JARID2: variants seen among roughly 807,000 people sequenced by gnomAD.
JARID2 encodes jumonji and AT-rich interaction domain containing 2, also known as protein Jumonji.
JARID2 carries 21 observed loss-of-function variants against 125.6 expected under a neutral mutation model. That is an observed-to-expected ratio of 0.17 (90% CI 0.12 to 0.24). The LOEUF (loss-of-function observed/expected upper bound fraction) is 0.24, where lower values mean the gene tolerates loss of function less well. Ranked by LOEUF, JARID2 falls within the 10% of genes least tolerant of loss-of-function variation. The probability of loss-of-function intolerance (pLI) is 1.00; values close to 1 mark genes in which losing one functional copy is unlikely to be tolerated. For synonymous variants in JARID2, 736 were observed against 661.6 expected, an observed-to-expected ratio of 1.11 and a Z score of -1.73; for missense variants, 1,303 against 1,639.6, an observed-to-expected ratio of 0.79 and a Z score of 3.55.
intron 3 of JARID2, among the ~76,000 whole-genome samples, chr6:15,425,781 C>G (rs543364119): frequency 2.0e-5 from 3 of 152,138 alleles, no homozygotes; most frequent in African/African-American, 7.2e-5. Context: ...GGACTAAGAG[C>G]GCAAGTGTGC....
At chr6:15,279,947 A>G (rs964289860) in intron 1 of JARID2, among the ~76,000 whole-genome samples, 8 of 152,154 alleles carry the variant, frequency 5.3e-5, no homozygotes, top group African/African-American at 1.9e-4. Flanking sequence ...ATTTGATTAA[A>G]TCCCCTTCCC....
chr6:15,258,780 T>C (rs746519290), intron 1 of JARID2, among the ~76,000 whole-genome samples: 28 of 152,126 alleles, frequency 1.8e-4, no homozygotes, highest in Non-Finnish European at 3.8e-4. Context: ...AGATCCTGTC[T>C]CAAAACAAAA....
chr6:15,438,630 T>C (rs1336130872), intron 3 of JARID2, among the ~76,000 whole-genome samples: 1 of 152,216 alleles, frequency 6.6e-6, no homozygotes, highest in African/African-American at 2.4e-5. Context: ...AATGTTATCC[T>C]TTCTCTTCAA....
At chr6:15,309,769 A>T (rs1210188380) in intron 1 of JARID2, among the ~76,000 whole-genome samples, 3 of 152,152 alleles carry the variant, frequency 2.0e-5, no homozygotes, top group Non-Finnish European at 2.9e-5. Context: ...GAGGGATGAC[A>T]GAAGGCTTGA....
chr6:15,262,112 A>C (rs141362774), intron 1 of JARID2, among the ~76,000 whole-genome samples: 110 of 150,768 alleles, frequency 7.3e-4, no homozygotes, highest in African/African-American at 2.6e-3. Context: ...CTGAGTAGGC[A>C]CTGACATGGA....
chr6:15,275,539 C>CCA (rs1554118162), intron 1 of JARID2, among the ~76,000 whole-genome samples: 1 of 99,762 alleles, frequency 1.0e-5, no homozygotes, highest in Non-Finnish European at 2.1e-5. Flanking sequence ...CCCCGCCCCC[C>CCA]CCCCCGTCTT....
chr6:15,467,637 T>C (rs570183091), intron 4 of JARID2, among the ~76,000 whole-genome samples: 1 of 151,820 alleles, frequency 6.6e-6, no homozygotes, highest in African/African-American at 2.4e-5. Flanking sequence ...AGTCCAGAAA[T>C]TTCAGACCAA....
chr6:15,415,736 C>T (rs1018835475), intron 3 of JARID2, among the ~76,000 whole-genome samples: 14 of 143,420 alleles, frequency 9.8e-5, no homozygotes, highest in Admixed American at 6.2e-4. Context: ...GCTGGCCAGG[C>T]GGAGGGGCTC....
intron 1 of JARID2, among the ~76,000 whole-genome samples, chr6:15,263,110 GTGTGTGT>G (rs2127330025): frequency 7.3e-6 from 1 of 137,760 alleles, no homozygotes; most frequent in African/African-American, 2.7e-5. Flanking sequence ...GTGTGTGTGT[GTGTGTGT>G]GGTAGGGGTC....
At chr6:15,501,528 G>A (rs201683686) in intron 8 of JARID2, 119 bp downstream of exon 8, 50 of 784,822 alleles carry the variant, frequency 6.4e-5, no homozygotes, top group Non-Finnish European at 8.7e-5. Flanking sequence ...GTGATGAGGG[G>A]GCGGGCCACT....
rs143923450 is a variant in JARID2, at chr6:15,513,352, G to A, written c.3380G>A (p.Arg1127Gln). Residue 1127 changes from arginine (R) to glutamine (Q), a missense_variant, in exon 16 of 18, where the codon CGA (arginine) becomes CAA (glutamine). Physicochemically the swap from Arg to Gln is conservative, Grantham distance 43. This residue lies in a region of JARID2 where 190 missense variants were observed against 341.4 expected (regional missense o/e 0.56). Transcript: ENST00000341776. ...STVADGKKKP[R>Q]KWLQLETSER... Reference sequence around the variant, plus strand: ...GTGGCGGACGGGAAGAAAAAGCCTCGAAAGTGGCTGCAGTTGGAGACGTCA... The same window carrying A: ...GTGGCGGACGGGAAGAAAAAGCCTCAAAAGTGGCTGCAGTTGGAGACGTCA... 8.2e-5 allele frequency: 132 copies of A among 1,613,304 alleles called. No individual in the cohort carries two copies. The highest frequency in any genetic ancestry group is 1.0e-4 in the Non-Finnish European group (121 of 1,179,848).
chr6:15,443,349 T>C (rs1051955818), intron 3 of JARID2, among the ~76,000 whole-genome samples: 5 of 152,180 alleles, frequency 3.3e-5, no homozygotes, highest in African/African-American at 1.2e-4. Context: ...TTACTCCTCA[T>C]TGGAAGGGCT....
chr6:15,492,132 C>G (rs1322161147), intron 6 of JARID2, among the ~76,000 whole-genome samples: 4 of 143,912 alleles, frequency 2.8e-5, no homozygotes, highest in Admixed American at 1.3e-4. Context: ...GGCCAAGGAG[C>G]ACACGCTGCA....
At chr6:15,394,823 C>T (rs1765157165) in intron 2 of JARID2, among the ~76,000 whole-genome samples, 1 of 152,180 alleles carries the variant, frequency 6.6e-6, no homozygotes, top group Admixed American at 6.5e-5. Flanking sequence ...AATGTGTCAG[C>T]TGCCACACAT....
At chr6:15,260,769 T>C (rs1318511122) in intron 1 of JARID2, among the ~76,000 whole-genome samples, 3 of 152,168 alleles carry the variant, frequency 2.0e-5, no homozygotes, top group Admixed American at 6.6e-5. Context: ...CTGGAAAGCA[T>C]TGGGAGGTGG....
intron 2 of JARID2, among the ~76,000 whole-genome samples, chr6:15,386,975 C>T (rs1201523346): frequency 6.6e-6 from 1 of 152,216 alleles, no homozygotes. Context: ...TTCTGACTGT[C>T]TTCAGTGTCA....
chr6:15,258,380 G>C (rs923368252), intron 1 of JARID2, among the ~76,000 whole-genome samples: 2 of 152,160 alleles, frequency 1.3e-5, no homozygotes, highest in African/African-American at 4.8e-5. Flanking sequence ...ACCTCTCCAG[G>C]TCTCAGTTTC....
chr6:15,304,225 C>G (rs1235896554), intron 1 of JARID2, among the ~76,000 whole-genome samples: 1 of 150,700 alleles, frequency 6.6e-6, no homozygotes, highest in Non-Finnish European at 1.5e-5. Flanking sequence ...CGCTGCGCAG[C>G]CTCAGTTGTC....
intron 2 of JARID2, among the ~76,000 whole-genome samples, chr6:15,386,446 CGCT>C (rs1764791348): frequency 6.6e-6 from 1 of 152,156 alleles, no homozygotes; most frequent in South Asian, 2.1e-4. Flanking sequence ...CTTCCTATCA[CGCT>C]GAAAAGGTTC....
Sources: gnomAD v4.1 joint callset for allele counts (sites outside exome capture counted in the v4.1 genomes callset) on GRCh38, gnomAD v4.1.1 for gene constraint, gnomAD v4.1.1 regional missense constraint, MANE v1.5 for transcripts, NCBI Gene and HGNC (gene_info 2026-07-23, HGNC 2026-07-21) for gene names.